Variants in CDH13 observed in about 807,000 individuals in gnomAD.
CDH13 encodes the protein cadherin-13.
Under a neutral mutation model 63.8 loss-of-function variants are expected in CDH13, and 24 were observed. That is an observed-to-expected ratio of 0.38 (90% confidence interval 0.27 to 0.53). CDH13 has a LOEUF of 0.53. Ranked by LOEUF, CDH13 falls within the 20% of genes least tolerant of loss-of-function variation. The pLI, the probability that CDH13 is intolerant of heterozygous loss-of-function variation, is 0.85. For missense variants in CDH13, 1,049 were observed against 903.1 expected (o/e 1.16, Z -2.07); for synonymous variants, 503 against 355.3 (o/e 1.42, Z -4.67).
At chr16:82,966,936 C>T (rs948778577) in intron 2 of CDH13, among the ~76,000 whole-genome samples, 8 of 152,110 alleles carry the variant, frequency 5.3e-5, no homozygotes, top group Non-Finnish European at 7.4e-5. Context: ...ATCCAATTAC[C>T]GCACTAATGT....
intron 1 of CDH13, among the ~76,000 whole-genome samples, chr16:82,630,688 C>T (rs189248211): frequency 4.6e-5 from 7 of 152,298 alleles, no homozygotes; most frequent in African/African-American, 1.4e-4. Flanking sequence ...TGAAAACATC[C>T]TTATTTCCTT....
chr16:83,355,688 G>T (rs1460761403), intron 6 of CDH13, among the ~76,000 whole-genome samples: 1 of 152,194 alleles, frequency 6.6e-6, no homozygotes, highest in African/African-American at 2.4e-5. Flanking sequence ...TGGAGGGGGT[G>T]AATGCATGAA....
In CDH13 at chr16:82,732,823, G is replaced by C. The variant is rs530205511; in HGVS notation, c.45+105686G>C. 6.6e-5 allele frequency among the ~76,000 whole-genome samples: 10 copies of C among 151,202 alleles called. No individual in the cohort carries two copies. In the South Asian group the frequency reaches 1.9e-3, roughly 29 times the overall value. On this transcript the variant is annotated intron_variant, in intron 1 of 13. Transcript: ENST00000567109. The stretch of plus-strand genomic sequence containing the variant: ...CTTTGGATTTCTGGTTTCATCAAGA[G>C]TTTGTGTCCGACATCTGGGGATGAG...
chr16:83,372,117 C>G (rs1044513555), intron 6 of CDH13, among the ~76,000 whole-genome samples: 9 of 152,204 alleles, frequency 5.9e-5, no homozygotes, highest in Non-Finnish European at 1.3e-4. Flanking sequence ...CACCACTGTA[C>G]TACGCCTTTC....
At chr16:83,606,956 C>A (rs969540839) in intron 8 of CDH13, among the ~76,000 whole-genome samples, 1 of 151,962 alleles carries the variant, frequency 6.6e-6, no homozygotes, top group African/African-American at 2.4e-5. Flanking sequence ...CACTTGAAAA[C>A]TTCCCCAGAA....
chr16:82,746,870 C>T (rs1288002327), intron 1 of CDH13, among the ~76,000 whole-genome samples: 1 of 152,140 alleles, frequency 6.6e-6, no homozygotes, highest in African/African-American at 2.4e-5. Flanking sequence ...TATAATGTAA[C>T]TCCCTGGAAT....
intron 2 of CDH13, among the ~76,000 whole-genome samples, chr16:82,903,065 T>C (rs948513951): frequency 4.6e-5 from 7 of 152,184 alleles, no homozygotes; most frequent in Admixed American, 1.3e-4. Flanking sequence ...TCTATAAAGA[T>C]GGTAATGGAA....
At chr16:83,527,180 T>G (rs2074982531) in intron 7 of CDH13, among the ~76,000 whole-genome samples, 2 of 151,880 alleles carry the variant, frequency 1.3e-5, no homozygotes, top group Admixed American at 1.3e-4. Flanking sequence ...CTGGGCGTGC[T>G]GGCTCACACC....
rs150253110 is a variant in CDH13 at position 83,796,170 on chromosome 16, G to C, written c.*1140G>C. 2.3e-3 allele frequency: 355 copies of C among 152,554 alleles called. 3 individuals carry two copies. The highest frequency in any genetic ancestry group is 7.2e-4 in the Non-Finnish European group (49 of 68,032). The allele number at this position is 152,554 out of a possible 1,614,324, so 9.5% of individuals were successfully genotyped here. ...AAAGTAACTGATTTGTATTCTGTGA[G>C]CATGTAAAAGCGGAAAGTTAGTGCT... On this transcript the variant is annotated 3_prime_UTR_variant, in exon 14 of 14. Coordinates refer to ENST00000567109, the MANE Select transcript of CDH13 (RefSeq NM_001257.5).
rs188158510 is a variant in CDH13, at chr16:83,128,995, C to T, written c.483+3494C>T. ...GCTTTGCAAAAACTATTTATTTGTC[C>T]CTGCTTTTTATGCCTTTGAAGGTAC... is the stretch of plus-strand genomic sequence containing the variant. On this transcript the variant is annotated intron_variant, in intron 4 of 13. Coordinates refer to ENST00000567109, the MANE Select transcript of CDH13 (RefSeq NM_001257.5). Among the ~76,000 whole-genome samples the T allele has an allele frequency of 1.5e-4, 23 of 152,250 alleles. No homozygotes were observed. In the East Asian group the frequency reaches 4.2e-3, roughly 28 times the overall value.
intron 4 of CDH13, among the ~76,000 whole-genome samples, chr16:83,171,987 C>T (rs924872212): frequency 6.6e-6 from 1 of 152,124 alleles, no homozygotes; most frequent in African/African-American, 2.4e-5. Context: ...GGGGTAGCTG[C>T]TATGGTTGAA....
chr16:82,818,439 C>T (rs1031152620), intron 1 of CDH13, among the ~76,000 whole-genome samples: 4 of 152,052 alleles, frequency 2.6e-5, no homozygotes, highest in African/African-American at 9.7e-5. Flanking sequence ...GAGCTACTCA[C>T]AGAAAACAGA....
intron 2 of CDH13, among the ~76,000 whole-genome samples, chr16:82,879,647 T>A (rs1368267153): frequency 2.1e-5 from 3 of 139,818 alleles, no homozygotes; most frequent in Non-Finnish European, 3.0e-5. Context: ...ATATGTTACA[T>A]ATATTTAGAT....
intron 6 of CDH13, among the ~76,000 whole-genome samples, chr16:83,428,434 C>G (rs1176498872): frequency 6.6e-6 from 1 of 151,574 alleles, no homozygotes; most frequent in African/African-American, 2.4e-5. Flanking sequence ...TTTCCATTGA[C>G]AAGATTCATT....
intron 5 of CDH13, among the ~76,000 whole-genome samples, chr16:83,282,903 C>T (rs1228041409): frequency 6.6e-6 from 1 of 152,180 alleles, no homozygotes; most frequent in African/African-American, 2.4e-5. Flanking sequence ...CATGTAACCT[C>T]ATCATGGTAT....
intron 5 of CDH13, among the ~76,000 whole-genome samples, chr16:83,310,246 T>G (rs2089970302): frequency 6.6e-6 from 1 of 152,152 alleles, no homozygotes; most frequent in Admixed American, 6.5e-5. Context: ...TCAAATTAGG[T>G]AAAAGTGGGA....
chr16:83,672,107 C>A (rs1304062735), intron 9 of CDH13, among the ~76,000 whole-genome samples: 1 of 152,138 alleles, frequency 6.6e-6, no homozygotes, highest in African/African-American at 2.4e-5. Flanking sequence ...CCCTGTGTGC[C>A]CTTGGCCAAG....
chr16:83,355,948 C>G (rs2091044487), intron 6 of CDH13, among the ~76,000 whole-genome samples: 1 of 152,182 alleles, frequency 6.6e-6, no homozygotes, highest in African/African-American at 2.4e-5. Context: ...GCAGTCCTTA[C>G]AAACGTTTGA....
chr16:83,776,885 T>C (rs539883495), intron 11 of CDH13, among the ~76,000 whole-genome samples: 98 of 152,308 alleles, frequency 6.4e-4, no homozygotes, highest in African/African-American at 2.2e-3. Flanking sequence ...ACCACTTTGT[T>C]AGAGAAGTTT....
Sources: gnomAD v4.1 joint callset for allele counts (sites outside exome capture counted in the v4.1 genomes callset) on GRCh38, gnomAD v4.1.1 for gene constraint, MANE v1.5 for transcripts, NCBI Gene and HGNC (gene_info 2026-07-23, HGNC 2026-07-21) for gene names.